Variants in ROBO2 observed in about 807,000 individuals in gnomAD.
The protein encoded by ROBO2 is roundabout homolog 2.
Under a neutral mutation model 160.8 loss-of-function variants are expected in ROBO2, and 53 were observed. The observed-to-expected ratio is 0.33, with a 90% CI of 0.26 to 0.41. ROBO2 has a LOEUF of 0.41. ROBO2 is among the 10% of genes least tolerant of loss of function. The probability of loss-of-function intolerance (pLI) is 1.00; values close to 1 mark genes in which losing one functional copy is unlikely to be tolerated. For missense variants in ROBO2, 1,577 were observed against 1,722.4 expected, an observed-to-expected ratio of 0.92 and a Z score of 1.49; for synonymous variants, 664 against 611.7, an observed-to-expected ratio of 1.09 and a Z score of -1.26.
chr3:76,163,699 A>G (rs752650406), intron 2 of ROBO2, among the ~76,000 whole-genome samples: 8 of 152,072 alleles, frequency 5.3e-5, no homozygotes, highest in Non-Finnish European at 8.8e-5. Context: ...ACAATATACT[A>G]CAGCCTAAGT....
chr3:76,132,781 A>G (rs2071277769), intron 2 of ROBO2, among the ~76,000 whole-genome samples: 1 of 152,188 alleles, frequency 6.6e-6, no homozygotes, highest in Non-Finnish European at 1.5e-5. Flanking sequence ...TATAGAAAAT[A>G]TGACTTTGAG....
chr3:76,509,598 C>A (rs761645879), intron 2 of ROBO2, among the ~76,000 whole-genome samples: 1 of 152,122 alleles, frequency 6.6e-6, no homozygotes, highest in Non-Finnish European at 1.5e-5. Context: ...GAAAGTGGAA[C>A]AAGAGACATT....
At chr3:77,427,070 T>C (rs554364195) in intron 2 of ROBO2, among the ~76,000 whole-genome samples, 8 of 152,166 alleles carry the variant, frequency 5.3e-5, no homozygotes, top group Non-Finnish European at 1.0e-4. Context: ...ATGGAAGGTG[T>C]GCCAGATTCC....
intron 1 of ROBO2, among the ~76,000 whole-genome samples, chr3:75,916,730 G>A (rs1349880620): frequency 6.6e-6 from 1 of 151,844 alleles, no homozygotes; most frequent in Non-Finnish European, 1.5e-5. Context: ...AATATAAAGA[G>A]GCATAAAAAT....
chr3:77,295,730 C>T (rs147338416), intron 2 of ROBO2, among the ~76,000 whole-genome samples: 12 of 141,518 alleles, frequency 8.5e-5, no homozygotes, highest in East Asian at 2.2e-4. Flanking sequence ...GTGAAATTGA[C>T]GGTTAAACGG....
intron 2 of ROBO2, among the ~76,000 whole-genome samples, chr3:76,524,445 A>G (rs1274818387): frequency 2.0e-5 from 3 of 151,852 alleles, no homozygotes; most frequent in Non-Finnish European, 4.4e-5. Flanking sequence ...GACAAATTAG[A>G]AGGTCCCTTA....
chr3:76,347,587 A>AT (rs1052307335), intron 2 of ROBO2, among the ~76,000 whole-genome samples: 37 of 152,120 alleles, frequency 2.4e-4, no homozygotes, highest in African/African-American at 8.9e-4. Context: ...ACTAAGTGTG[A>AT]TTTTGTTCTG....
At chr3:77,345,117 T>C (rs2067491976) in intron 2 of ROBO2, among the ~76,000 whole-genome samples, 1 of 152,134 alleles carries the variant, frequency 6.6e-6, no homozygotes, top group Admixed American at 6.6e-5. Context: ...TGAGTTAAGA[T>C]GTCAGCCAAA....
chr3:76,951,650 C>A (rs894080339), intron 2 of ROBO2, among the ~76,000 whole-genome samples: 4 of 152,094 alleles, frequency 2.6e-5, no homozygotes, highest in African/African-American at 9.7e-5. Context: ...CCCCTTTGAA[C>A]AGCAAGCATG....
Position 76,701,042 on chromosome 3 carries a change from TG to T in ROBO2, c.110-396970del, listed in dbSNP as rs2093035488. Among the ~76,000 whole-genome samples, 4 of 152,156 alleles carry T rather than the reference TG, an allele frequency of 2.6e-5. No individual in the cohort carries two copies. The South Asian group carries it at 8.3e-4, about 32-fold the overall frequency. On this transcript the variant is annotated intron_variant, in intron 2 of 26. Coordinates refer to the ROBO2 transcript ENST00000487694. ...TGGGGCCCATAAGAAAGATACCTAG[TG>T]GCCAGGTGGAAAAGCAAGTGATCTA...
chr3:77,102,987 A>G (rs1002374882), intron 2 of ROBO2, among the ~76,000 whole-genome samples: 1 of 152,214 alleles, frequency 6.6e-6, no homozygotes, highest in Non-Finnish European at 1.5e-5. Flanking sequence ...CCTGGTAGTC[A>G]AAAAGCTAAT....
chr3:76,646,128 A>G (rs982814229), intron 2 of ROBO2, among the ~76,000 whole-genome samples: 6 of 152,140 alleles, frequency 3.9e-5, no homozygotes, highest in Non-Finnish European at 7.3e-5. Context: ...TTTAGAGTCA[A>G]TTGGTGCTAA....
intron 2 of ROBO2, among the ~76,000 whole-genome samples, chr3:76,582,932 TAGAG>T (rs1454996584): frequency 6.6e-6 from 1 of 150,916 alleles, no homozygotes; most frequent in Non-Finnish European, 1.5e-5. Context: ...CTTTGCTACA[TAGAG>T]AGAACAAGTA....
At position 77,644,910 on chromosome 3, in the gene ROBO2, T is replaced by G. The variant is rs1389255070; in HGVS notation, c.4135+6T>G. 1.2e-6 allele frequency: 2 copies of G among 1,613,102 alleles called. No individual in the cohort carries two copies. The highest frequency in any genetic ancestry group is 2.2e-5 in the South Asian group (2 of 91,066). On this transcript the variant is annotated splice_donor_region_variant and intron_variant, in intron 25 of 25. Coordinates refer to ENST00000461745, the Ensembl canonical transcript of ROBO2. Reference sequence around the variant, plus strand: ...ACAGTTTACAGGTGAATTATGTAAGTGCTTAGGTCATTTAAAAGGCTATCG... The same window carrying G: ...ACAGTTTACAGGTGAATTATGTAAGGGCTTAGGTCATTTAAAAGGCTATCG...
chr3:77,072,807 G>C (rs1350834308), intron 1 of ROBO2, among the ~76,000 whole-genome samples: 3 of 151,930 alleles, frequency 2.0e-5, no homozygotes, highest in African/African-American at 4.8e-5. Context: ...CATCACCCTT[G>C]GTTTGTGTGC....
intron 2 of ROBO2, among the ~76,000 whole-genome samples, chr3:76,085,742 G>C (rs2108058818): frequency 6.6e-6 from 1 of 152,194 alleles, no homozygotes; most frequent in South Asian, 2.1e-4. Flanking sequence ...GCCACACTAG[G>C]GAAACCTGAA....
At chr3:77,085,668 A>G (rs1286704301) in intron 1 of ROBO2, among the ~76,000 whole-genome samples, 2 of 152,116 alleles carry the variant, frequency 1.3e-5, no homozygotes, top group Non-Finnish European at 2.9e-5. Context: ...GTACAATATT[A>G]AATAAGCCAA....
At position 76,487,361 on chromosome 3, in the gene ROBO2, A is replaced by T. The variant is rs541315699; in HGVS notation, c.109+549759A>T. Among the ~76,000 whole-genome samples the T allele has an allele frequency of 2.6e-5, 4 of 152,230 alleles. No homozygotes were observed. In the East Asian group the frequency reaches 5.8e-4, roughly 22 times the overall value. ...CTCAGTGACATAACCTATGGGCTTA[A>T]AAGGGGGATAAAAACGTATGTAAAA... On this transcript the variant is annotated intron_variant, in intron 2 of 26. Transcript: ENST00000487694.
intron 2 of ROBO2, among the ~76,000 whole-genome samples, chr3:76,860,340 T>A (rs953718624): frequency 5.3e-5 from 8 of 152,190 alleles, no homozygotes; most frequent in Non-Finnish European, 1.2e-4. Context: ...TCGTAGGGCA[T>A]TTTACAAATA....
Sources: allele counts gnomAD v4.1 joint callset (sites outside exome capture counted in the v4.1 genomes callset), GRCh38; gene constraint gnomAD v4.1.1; transcripts MANE v1.5; gene names NCBI Gene and HGNC (gene_info 2026-07-23, HGNC 2026-07-21).